The following KCNH8 variants were observed in gnomAD, a reference collection of about 807,000 sequenced individuals.
KCNH8 encodes the protein voltage-gated delayed rectifier potassium channel KCNH8.
In KCNH8, 70 loss-of-function variants were observed where a neutral mutation model predicts 103.6. The observed-to-expected ratio is 0.68, with a 90% CI of 0.56 to 0.82. The LOEUF (loss-of-function observed/expected upper bound fraction) is 0.82, where lower values mean the gene tolerates loss of function less well. KCNH8 is among the 40% of genes least tolerant of loss of function. KCNH8 has a pLI of 0.00. For synonymous variants in KCNH8, 498 were observed against 489.4 expected (o/e 1.02, Z -0.23); for missense variants, 1,217 against 1,329.9 (o/e 0.92, Z 1.32).
At chr3:19,323,142 A>G (rs1215018986) in intron 3 of KCNH8, among the ~76,000 whole-genome samples, 3 of 151,864 alleles carry the variant, frequency 2.0e-5, no homozygotes, top group East Asian at 1.9e-4. Flanking sequence ...TGGTGCGTCC[A>G]TGATTGGCTT....
intron 3 of KCNH8, among the ~76,000 whole-genome samples, chr3:19,310,658 G>A (rs950430463): frequency 6.9e-6 from 1 of 145,886 alleles, no homozygotes; most frequent in Non-Finnish European, 1.5e-5. Context: ...CATTCTTGTT[G>A]GCAAGATAGC....
At chr3:19,170,808 A>T (rs1428211251) in intron 1 of KCNH8, among the ~76,000 whole-genome samples, 4,680 of 99,958 alleles carry the variant, frequency 0.047, 573 homozygotes, top group African/African-American at 0.22. Context: ...ATATATATAT[A>T]TATTTTTTTT....
intron 3 of KCNH8, among the ~76,000 whole-genome samples, chr3:19,314,396 A>G (rs745852449): frequency 4.6e-5 from 7 of 151,766 alleles, no homozygotes; most frequent in Non-Finnish European, 1.0e-4. Context: ...ATAGACAGAC[A>G]CTGATTCTAC....
chr3:19,390,966 G>A (rs1384036964), intron 6 of KCNH8, among the ~76,000 whole-genome samples: 1 of 152,014 alleles, frequency 6.6e-6, no homozygotes, highest in African/African-American at 2.4e-5. Context: ...ATATTACCTA[G>A]GCAGATACAT....
At chr3:19,487,103 G>T (rs1165243991) in intron 11 of KCNH8, among the ~76,000 whole-genome samples, 1 of 152,184 alleles carries the variant, frequency 6.6e-6, no homozygotes, top group Non-Finnish European at 1.5e-5. Context: ...CAGGTCTTGA[G>T]CCAGGGCCTC....
intron 1 of KCNH8, among the ~76,000 whole-genome samples, chr3:19,150,607 A>G (rs2063119587): frequency 6.6e-6 from 1 of 152,180 alleles, no homozygotes; most frequent in Non-Finnish European, 1.5e-5. Context: ...GACTCTGACT[A>G]TAGTGATATG....
Position 19,518,014 on chromosome 3 carries a change from T to G in KCNH8, c.2559T>G (p.Ala853=). ...ACTTTTCAGATCCAGAGATTGGAGC[T>G]GCTGTTCTCTTCATCAAAGCAGAGG... ...SPPLGDPEIG[A]AVLFIKAEET... is the part of the protein sequence containing the mutation. The change falls in exon 15 of 16, where the codon GCT becomes GCG. Residue 853 remains alanine, a synonymous_variant. Coordinates refer to ENST00000328405, the MANE Select transcript of KCNH8 (RefSeq NM_144633.3). 1 of 1,612,288 alleles carries G rather than the reference T, an allele frequency of 6.2e-7. No homozygotes were observed.
In KCNH8 at chr3:19,457,793, ATATTCATG is replaced by A. The variant is rs1223736381; in HGVS notation, c.2040+813_2040+820del. On this transcript the variant is annotated intron_variant, in intron 11 of 15. Transcript: ENST00000328405. ...GTTTGGACCAACCCATATTGTGCAG[ATATTCATG>A]TCAATCATTAGTATTCTCTGCTTTG... 4.6e-5 allele frequency among the ~76,000 whole-genome samples: 7 copies of A among 152,184 alleles called. No homozygotes were observed. In the Middle Eastern group the frequency reaches 0.01, roughly 222 times the overall value.
intron 1 of KCNH8, among the ~76,000 whole-genome samples, chr3:19,234,341 G>C (rs934326640): frequency 6.6e-6 from 1 of 152,202 alleles, no homozygotes; most frequent in Non-Finnish European, 1.5e-5. Flanking sequence ...AGGGGGCGCC[G>C]CTCGTGGGGA....
At chr3:19,454,326 A>C (rs924497596) in intron 10 of KCNH8, among the ~76,000 whole-genome samples, 17 of 152,054 alleles carry the variant, frequency 1.1e-4, no homozygotes, top group African/African-American at 4.1e-4. Context: ...TTTGTTTCAA[A>C]AACTTAACCT....
intron 3 of KCNH8, among the ~76,000 whole-genome samples, chr3:19,323,987 G>A (rs1365021274): frequency 6.6e-6 from 1 of 152,210 alleles, no homozygotes; most frequent in East Asian, 1.9e-4. Context: ...TTGGCCTTCA[G>A]CCAGGTGGTG....
At chr3:19,306,737 A>C (rs2065135450) in intron 3 of KCNH8, among the ~76,000 whole-genome samples, 1 of 152,114 alleles carries the variant, frequency 6.6e-6, no homozygotes, top group Admixed American at 6.6e-5. Context: ...AATAAAATGA[A>C]GCAATATGCA....
At chr3:19,179,599 G>T (rs1575417272) in intron 1 of KCNH8, among the ~76,000 whole-genome samples, 1 of 152,110 alleles carries the variant, frequency 6.6e-6, no homozygotes. Flanking sequence ...GATCTGCAGA[G>T]AGTTTAACAG....
intron 8 of KCNH8, among the ~76,000 whole-genome samples, chr3:19,444,128 T>C (rs2067326732): frequency 6.6e-6 from 1 of 152,056 alleles, no homozygotes; most frequent in Non-Finnish European, 1.5e-5. Context: ...GTGCTACAGA[T>C]ATCAAAATGT....
chr3:19,348,111 T>A (rs1575545211), intron 5 of KCNH8, 146 bp downstream of exon 5: 2 of 902,954 alleles, frequency 2.2e-6, no homozygotes, highest in East Asian at 2.6e-5. Flanking sequence ...GCACATACTG[T>A]ATTTGGATTT....
At chr3:19,438,412 C>A (rs1170109780) in intron 8 of KCNH8, 51 bp downstream of exon 8, 6 of 1,404,130 alleles carry the variant, frequency 4.3e-6, no homozygotes, top group Non-Finnish European at 5.9e-6. Flanking sequence ...GCCTACCTAA[C>A]TGTCACTGCC....
chr3:19,182,122 T>C (rs2063459187), intron 1 of KCNH8, among the ~76,000 whole-genome samples: 1 of 152,200 alleles, frequency 6.6e-6, no homozygotes, highest in Non-Finnish European at 1.5e-5. Flanking sequence ...ATAGAGGCCA[T>C]ATATTCTTTG....
At chr3:19,477,524 A>C (rs923571667) in intron 11 of KCNH8, among the ~76,000 whole-genome samples, 1 of 151,958 alleles carries the variant, frequency 6.6e-6, no homozygotes, top group African/African-American at 2.4e-5. Context: ...ACAGGCTCCA[A>C]ATGCTTTCTC....
In KCNH8 at chr3:19,520,214, T is replaced by C. The variant is rs149724533; in HGVS notation, c.2619+2140T>C. Among the ~76,000 whole-genome samples the C allele has an allele frequency of 4.5e-3, 682 of 151,928 alleles. 4 individuals are homozygous for C. The highest frequency in any genetic ancestry group is 0.02 in the South Asian group (94 of 4,814). ...CATCTACATTAGGTATTTCTCCTAATGCTATCCCTCCCCTAGCCCCCCGAG... is the reference window on the plus strand; with the variant it reads ...CATCTACATTAGGTATTTCTCCTAACGCTATCCCTCCCCTAGCCCCCCGAG... On this transcript the variant is annotated intron_variant, in intron 15 of 15. Transcript: ENST00000328405.
Sources: gnomAD v4.1 joint callset for allele counts (sites outside exome capture counted in the v4.1 genomes callset) on GRCh38, gnomAD v4.1.1 for gene constraint, MANE v1.5 for transcripts, NCBI Gene and HGNC (gene_info 2026-07-23, HGNC 2026-07-21) for gene names.